Variants in PCDHA3 observed in about 807,000 individuals in gnomAD.
PCDHA3 encodes protocadherin alpha 3, also known as protocadherin alpha-3.
In PCDHA3, 41 loss-of-function variants were observed where a neutral mutation model predicts 62.2. The ratio of observed to expected loss-of-function variants is 0.66; its 90% confidence interval spans 0.51 to 0.86. The LOEUF (loss-of-function observed/expected upper bound fraction) is 0.86. PCDHA3 is among the 40% of genes least tolerant of loss of function. The pLI is 0.00. For missense variants in PCDHA3, 1,304 were observed against 1,241.2 expected (o/e 1.05, Z -0.76); for synonymous variants, 640 against 555.4 (o/e 1.15, Z -2.14).
chr5:140,828,853 T>C (rs2150159724), intron 1 of PCDHA3: 921 of 1,613,698 alleles, frequency 5.7e-4, no homozygotes, highest in South Asian at 4.0e-3. Flanking sequence ...TATTCGAAAA[T>C]GCAGACAACG....
rs2150135229 is a variant in PCDHA3, at chr5:140,824,610, G to GTTT, written c.2394+21039_2394+21041dup. ...GGACTACATGCACATGCTAATTAAAGTTTTTTTTTTTTTTTTTTTTTTATT... is the reference window on the plus strand; with the variant it reads ...GGACTACATGCACATGCTAATTAAAGTTTTTTTTTTTTTTTTTTTTTTTTTATT... On this transcript the variant is annotated intron_variant, in intron 1 of 3. Coordinates refer to ENST00000522353, the MANE Select transcript of PCDHA3 (RefSeq NM_018906.3). 763 of 95,086 alleles carry GTTT rather than the reference G, an allele frequency of 8.0e-3. 102 individuals are homozygous for GTTT. The highest frequency in any genetic ancestry group is 0.015 in the East Asian group (49 of 3,346). 5.9% of individuals were successfully genotyped at this position (95,086 alleles called of 1,614,324 possible). A position where few individuals can be genotyped will look rare whatever the true frequency, so the allele number is the denominator to read the frequency against.
intron 1 of PCDHA3, chr5:140,823,452 C>T (rs2150125920): frequency 1.2e-6 from 2 of 1,613,440 alleles, no homozygotes; most frequent in Middle Eastern, 1.7e-4. Context: ...ACGAGAACGA[C>T]AACGCGCCGG....
At chr5:140,961,604 T>C (rs2095623962) in intron 1 of PCDHA3, among the ~76,000 whole-genome samples, 1 of 152,190 alleles carries the variant, frequency 6.6e-6, no homozygotes, top group Non-Finnish European at 1.5e-5. Context: ...TTCTAGTAAA[T>C]GAAACTAAAG....
At chr5:140,884,810 G>A in intron 1 of PCDHA3, 1 of 1,150,538 alleles carries the variant, frequency 8.7e-7, no homozygotes, top group Non-Finnish European at 1.2e-6. Context: ...CAACTCTGCT[G>A]TGGACATTAT....
At chr5:140,823,495 G>C in intron 1 of PCDHA3, 1 of 1,613,338 alleles carries the variant, frequency 6.2e-7, no homozygotes. Flanking sequence ...TGGCACCGGC[G>C]GCGCAGTGAG....
At chr5:140,874,633 C>T (rs1399730965) in intron 1 of PCDHA3, among the ~76,000 whole-genome samples, 3 of 152,208 alleles carry the variant, frequency 2.0e-5, no homozygotes, top group African/African-American at 7.2e-5. Flanking sequence ...CATTAAAGTG[C>T]TTTACTTTTG....
At chr5:140,858,375 C>T (rs1252920038) in intron 1 of PCDHA3, 4 of 1,587,834 alleles carry the variant, frequency 2.5e-6, no homozygotes, top group Non-Finnish European at 3.4e-6. Flanking sequence ...AGCCTTCCAC[C>T]ATGCCCAATG....
In PCDHA3 at chr5:141,010,257, G is replaced by T; in HGVS notation, c.*320G>T. On this transcript the variant is annotated 3_prime_UTR_variant, in exon 4 of 4. Coordinates refer to ENST00000522353, the MANE Select transcript of PCDHA3 (RefSeq NM_018906.3). ...AGTGAGAGGTTGGACTCTCTGCCCT[G>T]TGCTCCGGGGATCCTGTCTTGATGA... 6.4e-7 allele frequency: 1 copy of T among 1,551,794 alleles called. No homozygotes were observed. The highest frequency in any genetic ancestry group is 8.7e-7 in the Non-Finnish European group (1 of 1,147,016).
intron 1 of PCDHA3, chr5:140,823,494 CG>C (rs1374897060): frequency 6.2e-7 from 1 of 1,613,266 alleles, no homozygotes; most frequent in African/African-American, 1.3e-5. Context: ...GTGGCACCGG[CG>C]GCGCAGTGAG....
intron 1 of PCDHA3, chr5:140,808,817 C>G: frequency 6.2e-7 from 1 of 1,612,850 alleles, no homozygotes; most frequent in Non-Finnish European, 8.5e-7. Flanking sequence ...CGGCGTGCCA[C>G]CTCTGGGCAG....
intron 1 of PCDHA3, chr5:140,841,829 T>C (rs1470654104): frequency 1.9e-6 from 3 of 1,613,780 alleles, no homozygotes; most frequent in Non-Finnish European, 2.5e-6. Context: ...CGTGTTAACC[T>C]ACAGGCTTAG....
chr5:140,933,388 G>A lies in PCDHA3; in HGVS notation c.2395-45561G>A, dbSNP rs142801424. On this transcript the variant is annotated intron_variant, in intron 1 of 3. Transcript: ENST00000522353. Reference sequence around the variant, plus strand: ...CCCAAATTCCTTGGCTGTTCCTAGAGCCATCTGGTTACCATCTACAGATAT... The same window carrying A: ...CCCAAATTCCTTGGCTGTTCCTAGAACCATCTGGTTACCATCTACAGATAT... Among the ~76,000 whole-genome samples the A allele has an allele frequency of 5.4e-3, 828 of 152,024 alleles. 4 individuals carry two copies. The highest frequency in any genetic ancestry group is 0.019 in the African/African-American group (797 of 41,508).
At chr5:140,888,967 G>T (rs1434157317) in intron 1 of PCDHA3, among the ~76,000 whole-genome samples, 1 of 152,000 alleles carries the variant, frequency 6.6e-6, no homozygotes, top group African/African-American at 2.4e-5. Flanking sequence ...CAATGTTAAT[G>T]TGTTGAATTT....
intron 1 of PCDHA3, chr5:140,851,096 T>A (rs2041958887): frequency 7.7e-7 from 1 of 1,292,466 alleles, no homozygotes; most frequent in Non-Finnish European, 1.0e-6. Context: ...AAATAGATAT[T>A]TTTTGGGTGC....
intron 1 of PCDHA3, chr5:140,877,885 T>C: frequency 1.4e-6 from 2 of 1,463,874 alleles, no homozygotes; most frequent in Non-Finnish European, 1.8e-6. Flanking sequence ...CTTGAAGAAC[T>C]TCCGTTTAGG....
At chr5:140,962,174 C>T (rs1365738124) in intron 1 of PCDHA3, among the ~76,000 whole-genome samples, 1 of 152,100 alleles carries the variant, frequency 6.6e-6, no homozygotes, top group Admixed American at 6.6e-5. Context: ...CACACCCGGC[C>T]ACTTATATCA....
At position 140,857,030 on chromosome 5, in the gene PCDHA3, C is replaced by T. The variant is rs370499942; in HGVS notation, c.2394+53439C>T. The T allele has an allele frequency of 4.7e-5, 75 of 1,596,300 alleles. 6 individuals carry two copies. Among genetic ancestry groups the T allele is most frequent in the Non-Finnish European group, 6.0e-5 (70 of 1,166,132 alleles). ...AGATGTTACAGATAAGGGAAACCCA[C>T]CTATGGTTGGTCACTGCACGGTCCT... On this transcript the variant is annotated intron_variant, in intron 1 of 3. Transcript: ENST00000522353.
intron 1 of PCDHA3, among the ~76,000 whole-genome samples, chr5:140,833,392 A>G (rs1162626045): frequency 6.6e-6 from 1 of 152,232 alleles, no homozygotes; most frequent in Admixed American, 6.5e-5. Context: ...GAAATACCTC[A>G]AGACTTGATC....
intron 1 of PCDHA3, chr5:140,842,474 G>C: frequency 6.2e-7 from 1 of 1,613,946 alleles, no homozygotes; most frequent in Middle Eastern, 1.6e-4. Flanking sequence ...CAACGGGCAG[G>C]TGACCTGCTC....
Sources: allele counts gnomAD v4.1 joint callset (sites outside exome capture counted in the v4.1 genomes callset), GRCh38; gene constraint gnomAD v4.1.1; transcripts MANE v1.5; gene names NCBI Gene and HGNC (gene_info 2026-07-23, HGNC 2026-07-21).